The following SLIT3 variants were observed in gnomAD, a reference collection of about 807,000 sequenced individuals.
The protein encoded by SLIT3 is slit homolog 3 protein.
A neutral mutation model predicts 184.0 loss-of-function variants in SLIT3; 68 were observed. The ratio of observed to expected loss-of-function variants is 0.37; its 90% CI spans 0.30 to 0.45. The LOEUF (loss-of-function observed/expected upper bound fraction) is 0.45, where lower values mean the gene tolerates loss of function less well. SLIT3 is among the 20% of genes least tolerant of loss of function. The probability of loss-of-function intolerance (pLI) is 1.00; values close to 1 mark genes in which losing one functional copy is unlikely to be tolerated. For missense variants in SLIT3, 1,707 were observed against 2,026.0 expected, an observed-to-expected ratio of 0.84 and a Z score of 3.02; for synonymous variants, 831 against 828.6, an observed-to-expected ratio of 1.00 and a Z score of -0.05.
At chr5:169,211,503 T>C (rs1203894145) in intron 3 of SLIT3, among the ~76,000 whole-genome samples, 2 of 152,096 alleles carry the variant, frequency 1.3e-5, no homozygotes. Context: ...CCCTCAAAAT[T>C]CACCTCCTAC....
At chr5:169,137,236 T>C (rs1254667849) in intron 4 of SLIT3, among the ~76,000 whole-genome samples, 4 of 151,862 alleles carry the variant, frequency 2.6e-5, no homozygotes, top group African/African-American at 9.7e-5. Context: ...CATTTCCTCA[T>C]TGGATTCCAA....
At chr5:169,058,320 C>T (rs112413825) in intron 4 of SLIT3, among the ~76,000 whole-genome samples, 2,104 of 152,266 alleles carry the variant, frequency 0.014, 30 homozygotes, top group Middle Eastern at 0.034. Flanking sequence ...GCTTACTGTG[C>T]TGCTTAGGGT....
chr5:168,967,457 T>TTTTTTTTTTTTTTTTTTTTTTTTGTGG, intron 4 of SLIT3, among the ~76,000 whole-genome samples: 1 of 76,380 alleles, frequency 1.3e-5, no homozygotes, highest in Non-Finnish European at 2.8e-5. Flanking sequence ...TTTTTTTTTT[T>TTTTTTTTTTTTTTTTTTTTTTTTGTGG]GAGACGGAGT....
At chr5:168,681,763 G>A (rs543026152) in intron 32 of SLIT3, among the ~76,000 whole-genome samples, 17 of 152,350 alleles carry the variant, frequency 1.1e-4, no homozygotes, top group South Asian at 8.3e-4. Flanking sequence ...GGCAAAGGCT[G>A]GGCTCTGTTT....
chr5:168,673,155 T>C, intron 33 of SLIT3, 22 bp downstream of exon 33: 2 of 1,611,862 alleles, frequency 1.2e-6, no homozygotes, highest in Non-Finnish European at 1.7e-6. Flanking sequence ...GAGGTAGAGG[T>C]GGTAGGGAAA....
chr5:169,096,479 G>A (rs1759786387), intron 4 of SLIT3, among the ~76,000 whole-genome samples: 1 of 152,246 alleles, frequency 6.6e-6, no homozygotes, highest in Non-Finnish European at 1.5e-5. Context: ...ACTGGACTCT[G>A]CCCTTGTGCC....
intron 4 of SLIT3, among the ~76,000 whole-genome samples, chr5:169,177,484 T>C (rs761557866): frequency 6.6e-6 from 1 of 152,060 alleles, no homozygotes; most frequent in Non-Finnish European, 1.5e-5. Context: ...GCATAGCAAT[T>C]TGGGACTCCT....
At chr5:168,772,468 T>G (rs1581064538) in intron 14 of SLIT3, 3 of 383,050 alleles carry the variant, frequency 7.8e-6, no homozygotes, top group East Asian at 1.2e-4. Context: ...CAGGCACATG[T>G]GCAAAGGCCG....
chr5:168,821,840 C>T (rs1271306630), intron 7 of SLIT3, among the ~76,000 whole-genome samples: 3 of 152,144 alleles, frequency 2.0e-5, no homozygotes, highest in Admixed American at 6.5e-5. Context: ...GGCAGAGCTC[C>T]CATTTAAACT....
chr5:169,175,922 A>T (rs1481248556), intron 4 of SLIT3, among the ~76,000 whole-genome samples: 1 of 152,202 alleles, frequency 6.6e-6, no homozygotes, highest in Non-Finnish European at 1.5e-5. Flanking sequence ...GTCCCCCATA[A>T]GGAAGCCATA....
chr5:169,029,880 C>T (rs1450168282), intron 4 of SLIT3, among the ~76,000 whole-genome samples: 1 of 152,204 alleles, frequency 6.6e-6, no homozygotes, highest in African/African-American at 2.4e-5. Flanking sequence ...CATGAGGCTC[C>T]ATTAATCCAG....
At chr5:168,885,030 A>G (rs1039790392) in intron 4 of SLIT3, among the ~76,000 whole-genome samples, 1 of 152,170 alleles carries the variant, frequency 6.6e-6, no homozygotes, top group Non-Finnish European at 1.5e-5. Context: ...AAATCTGGGC[A>G]GTCTAAATGA....
chr5:168,719,617 T>C (rs1395136683), intron 23 of SLIT3, among the ~76,000 whole-genome samples: 3 of 152,240 alleles, frequency 2.0e-5, no homozygotes, highest in Non-Finnish European at 4.4e-5. Flanking sequence ...ATGGTTTCCT[T>C]AAACATTTCC....
In SLIT3 at chr5:168,816,524, T is replaced by C. The variant is rs1173007857; in HGVS notation, c.793+776A>G. 2.1e-5 allele frequency among the ~76,000 whole-genome samples: 3 copies of C among 143,340 alleles called. No homozygotes were observed. The East Asian group carries it at 7.0e-4, about 34-fold the overall frequency. The allele number at this position is 143,340 out of a possible 152,430, so 94.0% of individuals were successfully genotyped here. On this transcript the variant is annotated intron_variant, in intron 8 of 35. Coordinates refer to ENST00000519560, the MANE Select transcript of SLIT3 (RefSeq NM_003062.4). The stretch of plus-strand genomic sequence containing the variant: ...TAAAGCTACATCCCCTGGAAAGATT[T>C]TCCTGGGTTACTCAGCCACCTCCCA...
intron 4 of SLIT3, among the ~76,000 whole-genome samples, chr5:169,039,471 C>T (rs1757375733): frequency 6.6e-6 from 1 of 151,886 alleles, no homozygotes. Context: ...CGCCTGCCAC[C>T]ACGTCTGGCT....
chr5:168,756,160 A>G (rs1006434210), intron 16 of SLIT3, among the ~76,000 whole-genome samples: 8 of 152,338 alleles, frequency 5.3e-5, no homozygotes, highest in African/African-American at 1.9e-4. Flanking sequence ...GGACCATTTT[A>G]CTGCTGAAGA....
intron 4 of SLIT3, among the ~76,000 whole-genome samples, chr5:168,982,433 C>A (rs1037435727): frequency 6.6e-6 from 1 of 152,126 alleles, no homozygotes; most frequent in African/African-American, 2.4e-5. Flanking sequence ...CAGATGCACC[C>A]CCTTGACCTT....
intron 5 of SLIT3, among the ~76,000 whole-genome samples, chr5:168,877,439 C>A (rs879797712): frequency 6.6e-6 from 1 of 152,184 alleles, no homozygotes; most frequent in Non-Finnish European, 1.5e-5. Flanking sequence ...ACCCAGTTCA[C>A]GTACAGCCTT....
chr5:168,669,908 T>C lies in SLIT3; in HGVS notation c.4211A>G (p.Asn1404Ser), dbSNP rs373056274. 3.7e-6 allele frequency: 6 copies of C among 1,614,048 alleles called. No homozygotes were observed. In the African/African-American group the frequency reaches 8.0e-5, roughly 22 times the overall value. ...GCAGGCATTGGCAGAGTCATTCTTG[T>C]TGTCACACAAGTCCCCTCCATAGCC... ...AEGYGGDLCDNKNDSANACSA... is the reference protein window; with the variant it reads ...AEGYGGDLCDSKNDSANACSA... The change falls in exon 35 of 36, where the codon AAC (asparagine) becomes AGC (serine). Residue 1404 changes from asparagine to serine, a missense_variant. By Grantham distance (46) the Asn-to-Ser change is conservative (BLOSUM62 1). Transcript: ENST00000519560.
Sources: gnomAD v4.1 joint callset for allele counts (sites outside exome capture counted in the v4.1 genomes callset) on GRCh38, gnomAD v4.1.1 for gene constraint, MANE v1.5 for transcripts, NCBI Gene and HGNC (gene_info 2026-07-23, HGNC 2026-07-21) for gene names.